The following WNT7A variants were observed in gnomAD, a reference collection of about 807,000 sequenced individuals.
WNT7A encodes the protein Wnt family member 7A.
WNT7A carries 16 observed loss-of-function variants against 28.2 expected under a neutral mutation model. That is an observed-to-expected ratio of 0.57 (90% CI 0.38 to 0.86). The LOEUF (loss-of-function observed/expected upper bound fraction) is 0.86, where lower values mean the gene tolerates loss of function less well. Among genes scored for constraint, WNT7A ranks in the 40% least tolerant of loss-of-function variants. WNT7A has a pLI of 0.00. For missense variants in WNT7A, 411 were observed against 489.7 expected (o/e 0.84, Z 1.52); for synonymous variants, 190 against 195.9 (o/e 0.97, Z 0.25).
intron 3 of WNT7A, 25 bp from the exon 4 acceptor site, chr3:13,819,448 A>C: frequency 6.2e-7 from 1 of 1,608,458 alleles, no homozygotes; most frequent in Non-Finnish European, 8.5e-7. Flanking sequence ...GGGGAAGAGC[A>C]CAGCACAGGT....
At chr3:13,849,921 C>T (rs771158477) in intron 3 of WNT7A, among the ~76,000 whole-genome samples, 3 of 152,158 alleles carry the variant, frequency 2.0e-5, no homozygotes, top group Non-Finnish European at 1.5e-5. Context: ...AAGCTGCAGA[C>T]AGGGTTGGGG....
rs536430743 is a variant in WNT7A at position 13,830,395 on chromosome 3, C to T, written c.571-10972G>A. 7.2e-5 allele frequency among the ~76,000 whole-genome samples: 11 copies of T among 152,280 alleles called. No homozygotes were observed. The South Asian group carries it at 2.3e-3, about 32-fold the overall frequency. On this transcript the variant is annotated intron_variant, in intron 3 of 3. Coordinates refer to ENST00000285018, the MANE Select transcript of WNT7A (RefSeq NM_004625.4). ...TCACCAAGTTCCGCTGGCTTCCTCTCCTGTGCCCCATGCCCCATCTGTTCA... is the reference window on the plus strand; with the variant it reads ...TCACCAAGTTCCGCTGGCTTCCTCTTCTGTGCCCCATGCCCCATCTGTTCA...
intron 3 of WNT7A, among the ~76,000 whole-genome samples, chr3:13,827,268 G>A (rs2124831862): frequency 6.6e-6 from 1 of 152,364 alleles, no homozygotes; most frequent in South Asian, 2.1e-4. Context: ...TATGTAAGCA[G>A]CAGCTGGGGT....
chr3:13,852,129 A>G (rs1453982057), intron 3 of WNT7A, among the ~76,000 whole-genome samples: 1 of 152,184 alleles, frequency 6.6e-6, no homozygotes, highest in African/African-American at 2.4e-5. Context: ...TTCGACTGCC[A>G]GGGGAGTTGG....
chr3:13,825,484 T>A (rs1018517926), intron 3 of WNT7A, among the ~76,000 whole-genome samples: 1 of 152,230 alleles, frequency 6.6e-6, no homozygotes, highest in African/African-American at 2.4e-5. Flanking sequence ...AAAAGCCCTG[T>A]TACGTAGTGT....
intron 3 of WNT7A, among the ~76,000 whole-genome samples, chr3:13,820,184 C>T (rs1694085417): frequency 6.6e-6 from 1 of 152,142 alleles, no homozygotes; most frequent in African/African-American, 2.4e-5. Flanking sequence ...ATGGGGATTT[C>T]CCAAGTGAGC....
chr3:13,855,367 G>C (rs1472102991), intron 2 of WNT7A, among the ~76,000 whole-genome samples: 1 of 76,544 alleles, frequency 1.3e-5, no homozygotes, highest in East Asian at 1.2e-3. Context: ...ATGGCAATGA[G>C]GGAGAATGAG....
intron 3 of WNT7A, among the ~76,000 whole-genome samples, chr3:13,830,773 A>C (rs12634816): frequency 6.6e-6 from 1 of 151,920 alleles, no homozygotes; most frequent in African/African-American, 2.4e-5. Context: ...GAGCTCCCCA[A>C]TGTTGCCAGC....
chr3:13,844,884 C>T (rs965716768), intron 3 of WNT7A, among the ~76,000 whole-genome samples: 21 of 152,166 alleles, frequency 1.4e-4, no homozygotes, highest in African/African-American at 5.1e-4. Flanking sequence ...TCTCCTCACC[C>T]ACCTTCCTCC....
chr3:13,852,593 C>T (rs1016077306), intron 3 of WNT7A, among the ~76,000 whole-genome samples: 3 of 152,326 alleles, frequency 2.0e-5, no homozygotes, highest in East Asian at 3.9e-4. Context: ...CAGCAGCTGG[C>T]GGCTGTCTTT....
At chr3:13,867,472 G>A (rs1199043513) in intron 2 of WNT7A, among the ~76,000 whole-genome samples, 1 of 152,160 alleles carries the variant, frequency 6.6e-6, no homozygotes, top group Admixed American at 6.5e-5. Flanking sequence ...GCCTCTGCCT[G>A]ACTCTAAGCC....
chr3:13,864,277 A>C (rs1168168780), intron 2 of WNT7A, among the ~76,000 whole-genome samples: 2 of 150,898 alleles, frequency 1.3e-5, no homozygotes, highest in Non-Finnish European at 3.0e-5. Flanking sequence ...TCCCAAGCAA[A>C]CCCCCTGAGT....
intron 3 of WNT7A, among the ~76,000 whole-genome samples, chr3:13,848,016 T>C (rs567921535): frequency 7.9e-4 from 120 of 152,120 alleles, no homozygotes; most frequent in Non-Finnish European, 1.4e-3. Context: ...AAACGTAACA[T>C]ACAATTTAAA....
intron 3 of WNT7A, among the ~76,000 whole-genome samples, chr3:13,848,482 TC>T (rs1694575789): frequency 6.6e-6 from 1 of 152,212 alleles, no homozygotes; most frequent in Admixed American, 6.5e-5. Context: ...GAAAATATAT[TC>T]AACATCATTA....
intron 2 of WNT7A, among the ~76,000 whole-genome samples, chr3:13,873,259 CA>C (rs1415981210): frequency 1.3e-5 from 2 of 152,044 alleles, no homozygotes; most frequent in Non-Finnish European, 2.9e-5. Context: ...GTCTACACAA[CA>C]AAGACCCTGG....
intron 2 of WNT7A, among the ~76,000 whole-genome samples, chr3:13,869,735 A>C (rs1575074846): frequency 6.6e-6 from 1 of 152,044 alleles, no homozygotes; most frequent in East Asian, 1.9e-4. Context: ...GGAAGGAAGG[A>C]AGGAAAGAAA....
intron 2 of WNT7A, among the ~76,000 whole-genome samples, chr3:13,856,944 GAA>G (rs1382597466): frequency 2.5e-5 from 3 of 121,282 alleles, no homozygotes; most frequent in African/African-American, 4.1e-5. Context: ...AGAAGAAGAA[GAA>G]GAAGAAGAAG....
chr3:13,838,180 T>C (rs1382106070), intron 3 of WNT7A, among the ~76,000 whole-genome samples: 2 of 152,162 alleles, frequency 1.3e-5, no homozygotes, highest in African/African-American at 4.8e-5. Context: ...AAATAACCAA[T>C]TTCTCAGTGC....
At chr3:13,819,959 TACCCAAC>T (rs1694083455) in intron 3 of WNT7A, among the ~76,000 whole-genome samples, 1 of 152,254 alleles carries the variant, frequency 6.6e-6, no homozygotes, top group African/African-American at 2.4e-5. Flanking sequence ...GGCAACATTT[TACCCAAC>T]ACCCAGAGTA....
Sources: gnomAD v4.1 joint callset for allele counts (sites outside exome capture counted in the v4.1 genomes callset) on GRCh38, gnomAD v4.1.1 for gene constraint, MANE v1.5 for transcripts, NCBI Gene and HGNC (gene_info 2026-07-23, HGNC 2026-07-21) for gene names.